VWDE: variants seen among roughly 807,000 people sequenced by gnomAD.
VWDE encodes the protein von Willebrand factor D and EGF domains.
A neutral mutation model predicts 178.4 loss-of-function variants in VWDE; 207 were observed. The ratio of observed to expected loss-of-function variants is 1.16; its 90% confidence interval spans 1.04 to 1.30. The LOEUF is 1.30. VWDE is among the 50% of genes most tolerant of loss of function. VWDE has a pLI of 0.00. For synonymous variants in VWDE, 738 were observed against 651.4 expected (o/e 1.13, Z -2.02); for missense variants, 2,287 against 1,901.3 (o/e 1.20, Z -3.77).
At chr7:12,385,465 C>G (rs1784052713) in intron 3 of VWDE, among the ~76,000 whole-genome samples, 1 of 152,176 alleles carries the variant, frequency 6.6e-6, no homozygotes, top group African/African-American at 2.4e-5. Context: ...AGCAGAAGCT[C>G]TCTTTCACCT....
At chr7:12,359,037 T>C (rs1041356602) in intron 16 of VWDE, among the ~76,000 whole-genome samples, 3 of 152,226 alleles carry the variant, frequency 2.0e-5, no homozygotes, top group African/African-American at 7.2e-5. Flanking sequence ...TCTAATAATG[T>C]CTCATCTCCC....
Position 12,383,423 on chromosome 7 carries a change from T to C in VWDE, c.541+113A>G, listed in dbSNP as rs905174314. The C allele has an allele frequency of 1.1e-5, 9 of 840,814 alleles. 1 individual carries two copies. The highest frequency in any genetic ancestry group is 8.6e-5 in the African/African-American group (5 of 57,978). 52.1% of individuals were successfully genotyped at this position (840,814 alleles called of 1,614,324 possible). The stretch of plus-strand genomic sequence containing the variant: ...TTTATTTTTGATAGCTACCAGACTT[T>C]GGTTATATCAAATATCAATATAATT... On this transcript the variant is annotated intron_variant, in intron 4 of 28. Transcript: ENST00000275358.
At chr7:12,360,198 G>A (rs1782499217) in intron 15 of VWDE, among the ~76,000 whole-genome samples, 1 of 152,068 alleles carries the variant, frequency 6.6e-6, no homozygotes, top group African/African-American at 2.4e-5. Flanking sequence ...ACATTTGAAA[G>A]AGATGCTGAT....
chr7:12,359,761 G>T, intron 15 of VWDE, 69 bp from the exon 16 acceptor site: 1 of 940,364 alleles, frequency 1.1e-6, no homozygotes, highest in Non-Finnish European at 1.6e-6. Flanking sequence ...TACATAGAAG[G>T]ATGGCAGTGT....
chr7:12,364,449 A>T (rs981164262), intron 13 of VWDE, among the ~76,000 whole-genome samples: 5 of 152,128 alleles, frequency 3.3e-5, no homozygotes, highest in African/African-American at 9.6e-5. Flanking sequence ...ATTGTTCAAA[A>T]AATTATGGGA....
In VWDE at chr7:12,370,685, G is replaced by C; in HGVS notation, c.1767C>G (p.Asn589Lys). 1 of 1,550,908 alleles carries C rather than the reference G, an allele frequency of 6.4e-7. No individual in the cohort carries two copies. The highest frequency in any genetic ancestry group is 1.2e-5 in the South Asian group (1 of 84,034). ...KNGMQIDQNF[N>K]NYVAFINEWR... ...ATTCATTAATAAAAGCAACATAATT[G>C]TTAAAATTTTGATCAATTTGCATCC... is the stretch of plus-strand genomic sequence containing the variant. The change falls in exon 11 of 29, where the codon AAC becomes AAG. Residue 589 changes from asparagine to lysine, a missense_variant. Coordinates refer to ENST00000275358, the MANE Select transcript of VWDE (RefSeq NM_001135924.3).
At position 12,357,279 on chromosome 7, in the gene VWDE, T is replaced by C. The variant is rs79233092; in HGVS notation, c.3511A>G (p.Arg1171Gly). 7,011 of 1,552,258 alleles carry C rather than the reference T, an allele frequency of 4.5e-3. 304 individuals carry two copies. In the African/African-American group the frequency reaches 0.086, roughly 19 times the overall value. ...RLNDDCDAETRVTIEVTVKSC... is the reference protein window; with the variant it reads ...RLNDDCDAETGVTIEVTVKSC... ...ATAAAGATTACCTCAATCGTGACTC[T>C]AGTTTCAGCATCGCAGTCATCATTA... Residue 1171 changes from arginine to glycine, a missense_variant, in exon 17 of 29, where the codon AGA (arginine) becomes GGA (glycine). Transcript: ENST00000275358.
At chr7:12,392,730 G>T (rs1185794780) in intron 2 of VWDE, among the ~76,000 whole-genome samples, 2 of 149,896 alleles carry the variant, frequency 1.3e-5, no homozygotes, top group African/African-American at 4.9e-5. Flanking sequence ...ACTTGGGCTA[G>T]TTCACTATAC....
intron 18 of VWDE, among the ~76,000 whole-genome samples, chr7:12,352,827 T>G (rs1782016204): frequency 1.3e-5 from 2 of 152,192 alleles, no homozygotes; most frequent in African/African-American, 4.8e-5. Context: ...TTCAACACTG[T>G]CTTCTATAAC....
intron 6 of VWDE, among the ~76,000 whole-genome samples, chr7:12,378,544 A>G (rs770629985): frequency 6.6e-6 from 1 of 152,110 alleles, no homozygotes; most frequent in Non-Finnish European, 1.5e-5. Flanking sequence ...CTCAAAACAG[A>G]TGATTCTTAA....
chr7:12,374,650 A>C, intron 9 of VWDE, 39 bp downstream of exon 9: 2 of 1,385,992 alleles, frequency 1.4e-6, no homozygotes, highest in South Asian at 2.7e-5. Context: ...AAATCAAAGC[A>C]AACAAAACTA....
At chr7:12,393,853 ATTCCC>A in intron 1 of VWDE, 75 bp from the exon 2 acceptor site, 1 of 1,295,248 alleles carries the variant, frequency 7.7e-7, no homozygotes, top group Non-Finnish European at 1.0e-6. Context: ...ATTAAAATTG[ATTCCC>A]AAAACAAAAA....
chr7:12,363,778 A>G (rs1292296540), intron 13 of VWDE, among the ~76,000 whole-genome samples: 3 of 152,032 alleles, frequency 2.0e-5, no homozygotes, highest in Non-Finnish European at 4.4e-5. Context: ...ATAATATTTC[A>G]TATACCCTCC....
intron 12 of VWDE, 28 bp downstream of exon 12, chr7:12,369,517 A>G (rs1178669946): frequency 4.7e-6 from 7 of 1,487,592 alleles, no homozygotes; most frequent in Non-Finnish European, 4.5e-6. Context: ...ATCACATGCA[A>G]TATCAAACTT....
In VWDE at chr7:12,369,548, A is replaced by C; in HGVS notation, c.2758T>G (p.Tyr920Asp). Residue 920 changes from tyrosine to aspartate, a missense_variant, in exon 12 of 29, where the codon TAT (tyrosine) becomes GAT (aspartate). Tyr to Asp is a radical substitution (Grantham distance 160). Transcript: ENST00000275358. ...SFSSYDCSDS[Y>D]DKAPEITELG... ...AACTTTGAGAGTACTTACTTACCAT[A>C]GGAATCACTGCAGTCATAGGAACTA... 1 of 1,524,962 alleles carries C rather than the reference A, an allele frequency of 6.6e-7. No homozygotes were observed. Among genetic ancestry groups the C allele is most frequent in the Non-Finnish European group, 8.9e-7 (1 of 1,129,726 alleles). 94.5% of individuals were successfully genotyped at this position (1,524,962 alleles called of 1,614,324 possible). A position where few individuals can be genotyped will look rare whatever the true frequency, so the allele number is the denominator to read the frequency against.
At chr7:12,359,815 A>T in intron 15 of VWDE, 123 bp from the exon 16 acceptor site, 2 of 576,254 alleles carry the variant, frequency 3.5e-6, no homozygotes, top group Non-Finnish European at 3.1e-6. Flanking sequence ...CTATTTTGAT[A>T]CTTCATAATC....
At chr7:12,342,964 G>A (rs1209325262) in intron 22 of VWDE, 119 bp downstream of exon 22, 4 of 631,734 alleles carry the variant, frequency 6.3e-6, no homozygotes, top group Admixed American at 3.3e-5. Context: ...TAGTTTACAA[G>A]AACTATCACA....
At chr7:12,399,317 G>A (rs563719968) in intron 1 of VWDE, among the ~76,000 whole-genome samples, 85 of 152,190 alleles carry the variant, frequency 5.6e-4, no homozygotes, top group African/African-American at 1.9e-3. Context: ...AAACATAAAC[G>A]TCTTACCAGA....
Position 12,373,037 on chromosome 7 carries a change from T to G in VWDE, c.1527A>C (p.Lys509Asn). 1 of 1,551,312 alleles carries G rather than the reference T, an allele frequency of 6.4e-7. No homozygotes were observed. The highest frequency in any genetic ancestry group is 1.2e-5 in the South Asian group (1 of 84,060). ...LRESQPYLFI[K>N]SQDVTRNIKI... ...TGATATTCCTGGTTACATCTTGGCT[T>G]TTTATGAACAAATATGGTTGTGATT... Residue 509 changes from lysine (K) to asparagine (N), a missense_variant, in exon 10 of 29, where the codon AAA (lysine) becomes AAC (asparagine). Coordinates refer to ENST00000275358, the MANE Select transcript of VWDE (RefSeq NM_001135924.3).
Sources: gnomAD v4.1 joint callset for allele counts (sites outside exome capture counted in the v4.1 genomes callset) on GRCh38, gnomAD v4.1.1 for gene constraint, MANE v1.5 for transcripts, NCBI Gene and HGNC (gene_info 2026-07-23, HGNC 2026-07-21) for gene names.